TEKTL1: variants seen among roughly 807,000 people sequenced by gnomAD.
TEKTL1 encodes the protein tektin-like protein 1.
At chr19:15,014,206 C>T in the TEKTL1 span, among the ~76,000 whole-genome samples, 5 of 152,180 alleles carry the variant, frequency 3.3e-5, no homozygotes, top group Non-Finnish European at 5.9e-5. Flanking sequence ...CTTGATCTCT[C>T]GCTGCATCCT....
At chr19:15,013,086 G>A in the TEKTL1 span, among the ~76,000 whole-genome samples, 1 of 152,064 alleles carries the variant, frequency 6.6e-6, no homozygotes, top group African/African-American at 2.4e-5. Flanking sequence ...TCCCATCCAG[G>A]GAGAAAGAGT....
chr19:15,023,034 T>G, the TEKTL1 span: 1 of 1,612,494 alleles, frequency 6.2e-7, no homozygotes, highest in African/African-American at 1.3e-5. Context: ...CAACCGCACG[T>G]GTGCTACGAG....
chr19:15,013,743 G>A, the TEKTL1 span: 2 of 1,613,636 alleles, frequency 1.2e-6, no homozygotes, highest in South Asian at 2.2e-5. Flanking sequence ...GGAAAATGGA[G>A]AGAGATATGG....
the TEKTL1 span, among the ~76,000 whole-genome samples, chr19:15,017,064 G>T: frequency 6.6e-6 from 1 of 152,094 alleles, no homozygotes; most frequent in Non-Finnish European, 1.5e-5. Context: ...CTACAAAAAT[G>T]TTTAAAAATA....
the TEKTL1 span, among the ~76,000 whole-genome samples, chr19:15,018,281 G>A: frequency 1.3e-5 from 2 of 152,148 alleles, no homozygotes; most frequent in African/African-American, 2.4e-5. Flanking sequence ...TTGAACCCGG[G>A]AGGCAGAGGT....
At chr19:15,010,943 G>C in the TEKTL1 span, 1 of 1,587,940 alleles carries the variant, frequency 6.3e-7, no homozygotes, top group East Asian at 2.3e-5. Context: ...CGATCGCTGC[G>C]GGCAGGAGGC....
At chr19:15,021,151 G>A in the TEKTL1 span, among the ~76,000 whole-genome samples, 2 of 152,068 alleles carry the variant, frequency 1.3e-5, no homozygotes, top group Admixed American at 1.3e-4. Context: ...AAAGTGCTGG[G>A]ATTACAGGTT....
the TEKTL1 span, chr19:15,021,953 G>GC: frequency 6.6e-7 from 1 of 1,519,544 alleles, no homozygotes; most frequent in Non-Finnish European, 9.1e-7. Flanking sequence ...TCTAGGCCCA[G>GC]CCCCGCCAAT....
the TEKTL1 span, chr19:15,020,476 C>A: frequency 6.2e-7 from 1 of 1,613,142 alleles, no homozygotes; most frequent in Non-Finnish European, 8.5e-7. Flanking sequence ...GGCCTCCTGC[C>A]GAGACACTCT....
At chr19:15,018,732 A>ATATATATATT in the TEKTL1 span, among the ~76,000 whole-genome samples, 159 of 78,620 alleles carry the variant, frequency 2.0e-3, 29 homozygotes, top group African/African-American at 3.1e-3. Flanking sequence ...ATATATATAT[A>ATATATATATT]ACTTCCCTGG....
the TEKTL1 span, among the ~76,000 whole-genome samples, chr19:15,014,731 C>CGCG: frequency 8.5e-5 from 1 of 11,776 alleles, no homozygotes; most frequent in Non-Finnish European, 1.9e-4. Flanking sequence ...AGTGGGGGGG[C>CGCG]GGGGGGCGGG....
the TEKTL1 span, chr19:15,023,174 G>C: frequency 6.7e-7 from 1 of 1,491,796 alleles, no homozygotes; most frequent in South Asian, 1.3e-5. Context: ...TGGGACCTCG[G>C]AGAGCAGACA....
At chr19:15,021,876 G>A in the TEKTL1 span, 1 of 1,614,032 alleles carries the variant, frequency 6.2e-7, no homozygotes, top group Non-Finnish European at 8.5e-7. Context: ...ATGTACCAGA[G>A]ACACGTGGGC....
the TEKTL1 span, among the ~76,000 whole-genome samples, chr19:15,016,459 T>C: frequency 6.6e-6 from 1 of 152,078 alleles, no homozygotes; most frequent in African/African-American, 2.4e-5. Context: ...AGTGCTAGGA[T>C]TACAGGCATG....
the TEKTL1 span, chr19:15,023,029 G>T: frequency 6.2e-7 from 1 of 1,612,582 alleles, no homozygotes; most frequent in South Asian, 1.1e-5. Flanking sequence ...AGCGGCAACC[G>T]CACGTGTGCT....
At chr19:15,013,347 G>T in the TEKTL1 span, among the ~76,000 whole-genome samples, 2 of 152,096 alleles carry the variant, frequency 1.3e-5, 1 homozygote, top group South Asian at 4.2e-4. Context: ...AGGAAGGGGT[G>T]CCCAGCTCCC....
At chr19:15,013,883 G>A in the TEKTL1 span, 7 of 672,048 alleles carry the variant, frequency 1.0e-5, no homozygotes, top group Admixed American at 9.9e-5. Flanking sequence ...ATTCCTTCAA[G>A]CCACACTGAC....
At chr19:15,023,273 T>G in the TEKTL1 span, 1 of 686,122 alleles carries the variant, frequency 1.5e-6, no homozygotes, top group Non-Finnish European at 2.4e-6. Context: ...ATAATTATCA[T>G]GTATTAGGCA....
At chr19:15,020,376 C>G in the TEKTL1 span, 1 of 1,204,812 alleles carries the variant, frequency 8.3e-7, no homozygotes, top group Admixed American at 2.1e-5. Context: ...CTATAAGGCT[C>G]AAGCCTGCAG....
Sources: allele counts gnomAD v4.1 joint callset (sites outside exome capture counted in the v4.1 genomes callset), GRCh38; gene constraint gnomAD v4.1.1; transcripts MANE v1.5; gene names NCBI Gene and HGNC (gene_info 2026-07-23, HGNC 2026-07-21).